Variants in RIMS3 observed in about 807,000 individuals in gnomAD.
RIMS3 encodes regulating synaptic membrane exocytosis protein 3.
In RIMS3, 15 loss-of-function variants were observed where a neutral mutation model predicts 29.2. The observed-to-expected ratio is 0.51, with a 90% CI of 0.34 to 0.79. The LOEUF is 0.79. Among genes scored for constraint, RIMS3 ranks in the 30% least tolerant of loss-of-function variants. RIMS3 has a pLI of 0.01. For synonymous variants in RIMS3, 161 were observed against 170.1 expected (o/e 0.95, Z 0.41); for missense variants, 342 against 421.4 (o/e 0.81, Z 1.65).
At chr1:40,675,840 A>T in the RIMS3 span, among the ~76,000 whole-genome samples, 3 of 151,568 alleles carry the variant, frequency 2.0e-5, no homozygotes, top group Non-Finnish European at 4.4e-5. Context: ...AGGCAGGAAG[A>T]TTGTTTGAGC....
At chr1:40,627,431 T>C (rs1280009487) in intron 7 of RIMS3, among the ~76,000 whole-genome samples, 1 of 152,088 alleles carries the variant, frequency 6.6e-6, no homozygotes, top group Non-Finnish European at 1.5e-5. Context: ...GGTTTCACCA[T>C]GTTAGCCAGG....
At chr1:40,656,367 AAC>A (rs1642272884) in intron 1 of RIMS3, among the ~76,000 whole-genome samples, 1 of 152,278 alleles carries the variant, frequency 6.6e-6, no homozygotes, top group South Asian at 2.1e-4. Context: ...CAATAAAACA[AAC>A]ACAGTAAAAA....
At chr1:40,686,421 G>C in the RIMS3 span, among the ~76,000 whole-genome samples, 2 of 152,150 alleles carry the variant, frequency 1.3e-5, no homozygotes. Flanking sequence ...GGGAGGCTGA[G>C]GTGGGTGGAT....
chr1:40,651,564 C>A (rs965915284), intron 1 of RIMS3, among the ~76,000 whole-genome samples: 1 of 152,176 alleles, frequency 6.6e-6, no homozygotes, highest in Non-Finnish European at 1.5e-5. Context: ...CACTGCTGTT[C>A]CTAACTTGTT....
intron 2 of RIMS3, among the ~76,000 whole-genome samples, chr1:40,645,676 C>T (rs905294979): frequency 3.3e-5 from 5 of 152,104 alleles, no homozygotes; most frequent in East Asian, 1.9e-4. Flanking sequence ...AAAGTGCTTC[C>T]CTAGCACAGC....
upstream of RIMS3, among the ~76,000 whole-genome samples, chr1:40,670,290 T>C (rs1642474760): frequency 6.6e-6 from 1 of 151,916 alleles, no homozygotes; most frequent in Admixed American, 6.6e-5. Context: ...AATTGTATAA[T>C]AAAAACTGGG....
At chr1:40,672,658 G>A in the RIMS3 span, among the ~76,000 whole-genome samples, 1 of 152,172 alleles carries the variant, frequency 6.6e-6, no homozygotes, top group Non-Finnish European at 1.5e-5. Context: ...GTCTTTTACT[G>A]AGCAGCTACT....
chr1:40,661,965 C>T (rs969049425), intron 1 of RIMS3, among the ~76,000 whole-genome samples: 10 of 152,174 alleles, frequency 6.6e-5, no homozygotes, highest in African/African-American at 2.2e-4. Flanking sequence ...GTCCTCCCTC[C>T]TGGGGCCAGC....
chr1:40,668,487 T>A (rs1374870204), upstream of RIMS3, among the ~76,000 whole-genome samples: 3 of 5,364 alleles, frequency 5.6e-4, no homozygotes, highest in African/African-American at 2.3e-3. Context: ...TAGGGGGTTG[T>A]GGGCGGGGGG....
At chr1:40,666,633 C>CA (rs1642429406), upstream of RIMS3, among the ~76,000 whole-genome samples, 1 of 152,150 alleles carries the variant, frequency 6.6e-6, no homozygotes. Context: ...CTCTTGGGCT[C>CA]CAGTGTTTTG....
chr1:40,673,487 G>A, the RIMS3 span: 2 of 152,254 alleles, frequency 1.3e-5, no homozygotes, highest in African/African-American at 4.8e-5. Context: ...CAAAGGGACC[G>A]AGGGTACAGA....
At chr1:40,661,907 G>C (rs1026207446) in intron 1 of RIMS3, among the ~76,000 whole-genome samples, 8 of 152,178 alleles carry the variant, frequency 5.3e-5, no homozygotes, top group African/African-American at 1.9e-4. Context: ...ACAAGGCCAC[G>C]ATACAGCTTA....
the RIMS3 span, among the ~76,000 whole-genome samples, chr1:40,684,162 GT>G: frequency 1.3e-5 from 2 of 152,194 alleles, no homozygotes; most frequent in Non-Finnish European, 2.9e-5. Flanking sequence ...TGGTTACCAT[GT>G]TTTATATGAC....
intron 1 of RIMS3, among the ~76,000 whole-genome samples, chr1:40,653,320 A>G (rs1642220075): frequency 6.6e-6 from 1 of 152,210 alleles, no homozygotes; most frequent in South Asian, 2.1e-4. Context: ...GATGGAGCCA[A>G]CTGAAGGAGG....
chr1:40,680,334 T>G, the RIMS3 span, among the ~76,000 whole-genome samples: 2 of 150,504 alleles, frequency 1.3e-5, no homozygotes, highest in South Asian at 2.1e-4. Flanking sequence ...TAAATAGTTT[T>G]TTTTTTTTTT....
At chr1:40,666,481 C>T (rs372409809), upstream of RIMS3, among the ~76,000 whole-genome samples, 2 of 152,292 alleles carry the variant, frequency 1.3e-5, no homozygotes, top group East Asian at 3.9e-4. Context: ...TAGGGCCTGG[C>T]ATCTGCCTAT....
chr1:40,668,421 CTAAA>C (rs1345053566), upstream of RIMS3, among the ~76,000 whole-genome samples: 3 of 134,552 alleles, frequency 2.2e-5, no homozygotes, highest in African/African-American at 8.6e-5. Flanking sequence ...GACCTTGTCT[CTAAA>C]TGAATGAATG....
In RIMS3 at chr1:40,635,495, C is replaced by A. The variant is rs1319043740; in HGVS notation, c.359+421G>T. Among the ~76,000 whole-genome samples, 1 of 152,198 alleles carries A rather than the reference C, an allele frequency of 6.6e-6. No individual in the cohort carries two copies. The highest frequency in any genetic ancestry group is 1.5e-5 in the Non-Finnish European group (1 of 68,036). On this transcript the variant is annotated intron_variant, in intron 4 of 7. Coordinates refer to ENST00000372684, the MANE Select transcript of RIMS3 (RefSeq NM_014747.3). This position sits in a 1 kb window ranked among gnomAD's most constrained non-coding sequence, Gnocchi z 4.1. ...ATGGTTTGAAAAACACTGATCTAGT[C>A]CAATCTCCTTCCCTCAGCTCTAAGC...
rs560661436 is a variant in RIMS3, at chr1:40,662,522, G to C, written c.-207+2872C>G. On this transcript the variant is annotated intron_variant, in intron 1 of 7. Coordinates refer to ENST00000372684, the MANE Select transcript of RIMS3 (RefSeq NM_014747.3). Reference sequence around the variant, plus strand: ...GAGGGCAGGGGCCGCCTGGCTCATAGAGTCTGATACATCAGAGGTACCTGG... The same window carrying C: ...GAGGGCAGGGGCCGCCTGGCTCATACAGTCTGATACATCAGAGGTACCTGG... Among the ~76,000 whole-genome samples the C allele has an allele frequency of 3.3e-5, 5 of 152,320 alleles. No homozygotes were observed. In the East Asian group the frequency reaches 9.6e-4, roughly 29 times the overall value.
Sources: allele counts gnomAD v4.1 joint callset (sites outside exome capture counted in the v4.1 genomes callset), GRCh38; gene constraint gnomAD v4.1.1; non-coding constraint Gnocchi (gnomAD v3.1); transcripts MANE v1.5; gene names NCBI Gene and HGNC (gene_info 2026-07-23, HGNC 2026-07-21).